NEXMIF: variants seen among roughly 807,000 people sequenced by gnomAD.
NEXMIF encodes neurite extension and migration factor.
In NEXMIF, 8 loss-of-function variants were observed where a neutral mutation model predicts 62.1. The ratio of observed to expected loss-of-function variants is 0.13; its 90% CI spans 0.08 to 0.23. The LOEUF (loss-of-function observed/expected upper bound fraction) is 0.23. Among genes scored for constraint, NEXMIF ranks in the 10% least tolerant of loss-of-function variants. NEXMIF has a pLI of 1.00. For missense variants in NEXMIF, 976 were observed against 1,113.3 expected (o/e 0.88, Z 1.75); for synonymous variants, 404 against 416.6 (o/e 0.97, Z 0.37).
In NEXMIF at chrX:74,878,093, T is replaced by C. The variant is rs778031789; in HGVS notation, c.-48+46790A>G. On this transcript the variant is annotated intron_variant, in intron 1 of 3. Coordinates refer to ENST00000055682, the MANE Select transcript of NEXMIF (RefSeq NM_001008537.3). Reference sequence around the variant, plus strand: ...CTTTTTAGAGTTTCCAGTTTTTCTGTTCTGTTTTTTCCCCATCTTTGTGGT... The same window carrying C: ...CTTTTTAGAGTTTCCAGTTTTTCTGCTCTGTTTTTTCCCCATCTTTGTGGT... Among the ~76,000 whole-genome samples the C allele has an allele frequency of 3.4e-3, 380 of 111,761 alleles. 2 individuals carry two copies. The highest frequency in any genetic ancestry group is 0.012 in the African/African-American group (364 of 30,800).
rs747502117 is a variant in NEXMIF, at chrX:74,797,418, C to T, written c.-47-51721G>A. Among the ~76,000 whole-genome samples the T allele has an allele frequency of 2.7e-4, 30 of 111,725 alleles. 1 individual carries two copies. Among genetic ancestry groups the T allele is most frequent in the Non-Finnish European group, 4.1e-4 (22 of 53,138 alleles). On this transcript the variant is annotated intron_variant, in intron 1 of 3. Transcript: ENST00000055682. ...ATAACATTAGGGGAAACTGGGCAAA[C>T]GGTATATTGGAACTCTTTGTACTAG...
chrX:74,891,512 T>G (rs777749808), intron 1 of NEXMIF, among the ~76,000 whole-genome samples: 1 of 111,954 alleles, frequency 8.9e-6, no homozygotes, highest in African/African-American at 3.2e-5. Flanking sequence ...CTGGTAATCT[T>G]CCAGTGAAAG....
At chrX:74,883,181 C>T (rs2080673590) in intron 1 of NEXMIF, among the ~76,000 whole-genome samples, 1 of 111,287 alleles carries the variant, frequency 9.0e-6, no homozygotes, top group Admixed American at 9.6e-5. Context: ...GTACATAAAA[C>T]CACAAAGATA....
In NEXMIF at chrX:74,837,962, CATGT is replaced by C. The variant is rs755319955; in HGVS notation, c.-48+86917_-48+86920del. Among the ~76,000 whole-genome samples the C allele has an allele frequency of 5.4e-5, 6 of 111,585 alleles. No homozygotes were observed. In the East Asian group the frequency reaches 1.7e-3, roughly 31 times the overall value. ...GTTTCTATGTATGTGTGTGTGCATG[CATGT>C]GTGTCTTTTATAAGTAAGTGGTGAA... On this transcript the variant is annotated intron_variant, in intron 1 of 3. Coordinates refer to ENST00000055682, the MANE Select transcript of NEXMIF (RefSeq NM_001008537.3).
At chrX:74,816,526 A>G (rs1332133463) in intron 1 of NEXMIF, among the ~76,000 whole-genome samples, 1 of 112,198 alleles carries the variant, frequency 8.9e-6, no homozygotes, top group Non-Finnish European at 1.9e-5. Context: ...TTAATTCTTA[A>G]GTGATTTATT....
chrX:74,862,113 A>G (rs2080559789), intron 1 of NEXMIF, among the ~76,000 whole-genome samples: 1 of 111,682 alleles, frequency 9.0e-6, no homozygotes, highest in Admixed American at 9.5e-5. Flanking sequence ...GTGCAAAGAC[A>G]CACATAGGCT....
At chrX:74,769,557 C>T (rs2080203876) in intron 1 of NEXMIF, 1 of 400,440 alleles carries the variant, frequency 2.5e-6, no homozygotes, top group South Asian at 4.9e-5. Context: ...AGCACTGGCT[C>T]TGCCAGCGCT....
rs2080381651 is a variant in NEXMIF at position 74,818,061 on chromosome X, C to T, written c.-47-72364G>A. ...GTAATTTAAAGATTCAATGCTATTC[C>T]TATGAAACCACCAATGACATTTTTC... is the stretch of plus-strand genomic sequence containing the variant. On this transcript the variant is annotated intron_variant, in intron 1 of 3. Coordinates refer to ENST00000055682, the MANE Select transcript of NEXMIF (RefSeq NM_001008537.3). 5.5e-5 allele frequency among the ~76,000 whole-genome samples: 6 copies of T among 109,858 alleles called. No individual in the cohort carries two copies. The South Asian group carries it at 2.3e-3, about 43-fold the overall frequency.
At chrX:74,890,235 C>T (rs1201287558) in intron 1 of NEXMIF, among the ~76,000 whole-genome samples, 1 of 106,878 alleles carries the variant, frequency 9.4e-6, no homozygotes, top group African/African-American at 3.4e-5. Flanking sequence ...TTCAATGTAA[C>T]AAAGATGTTC....
intron 1 of NEXMIF, chrX:74,769,830 T>G (rs192329503): frequency 4.8e-6 from 2 of 414,784 alleles, no homozygotes; most frequent in East Asian, 8.2e-5. Context: ...AAATCATTTA[T>G]AAATGTGGTC....
chrX:74,922,080 G>A (rs755356818), intron 1 of NEXMIF, among the ~76,000 whole-genome samples: 2 of 111,339 alleles, frequency 1.8e-5, no homozygotes, highest in South Asian at 3.8e-4. Flanking sequence ...TCCGTGAGAC[G>A]AGGACCTCCA....
At chrX:74,744,964 T>TCTCTCTCC (rs1286706211) in intron 2 of NEXMIF, among the ~76,000 whole-genome samples, 4 of 96,592 alleles carry the variant, frequency 4.1e-5, no homozygotes, top group African/African-American at 1.1e-4. Context: ...CTCTCCTCCC[T>TCTCTCTCC]CTCTCTCCCT....
At chrX:74,761,026 C>T (rs1054496027) in intron 1 of NEXMIF, among the ~76,000 whole-genome samples, 1 of 109,674 alleles carries the variant, frequency 9.1e-6, no homozygotes, top group African/African-American at 3.3e-5. Context: ...CATTACCACG[C>T]CCAGCTGATT....
At chrX:74,845,025 C>T (rs1314481973) in intron 1 of NEXMIF, among the ~76,000 whole-genome samples, 1 of 112,077 alleles carries the variant, frequency 8.9e-6, no homozygotes, top group East Asian at 2.8e-4. Flanking sequence ...ACAAACCCAA[C>T]CAGGGAAGCT....
chrX:74,749,574 T>A (rs765920888), intron 1 of NEXMIF, among the ~76,000 whole-genome samples: 1 of 110,731 alleles, frequency 9.0e-6, no homozygotes, highest in South Asian at 3.9e-4. Flanking sequence ...CACTTGATAT[T>A]CTCTCTGTTT....
chrX:74,811,903 C>G (rs766376829), intron 1 of NEXMIF, among the ~76,000 whole-genome samples: 4 of 113,031 alleles, frequency 3.5e-5, no homozygotes, highest in Non-Finnish European at 5.6e-5. Flanking sequence ...GCCTTCCAGG[C>G]ATGGAGAAAA....
At chrX:74,805,532 T>G (rs1451749788) in intron 1 of NEXMIF, among the ~76,000 whole-genome samples, 2 of 112,159 alleles carry the variant, frequency 1.8e-5, no homozygotes, top group Non-Finnish European at 3.8e-5. Context: ...ACTTGTAAAT[T>G]TTTGTTTTTG....
chrX:74,827,966 G>C (rs771898252), intron 1 of NEXMIF, among the ~76,000 whole-genome samples: 1 of 111,799 alleles, frequency 8.9e-6, no homozygotes, highest in South Asian at 3.7e-4. Flanking sequence ...CATAAAATTG[G>C]TGCATATAGT....
chrX:74,808,850 G>T (rs2080352567), intron 1 of NEXMIF, among the ~76,000 whole-genome samples: 1 of 112,255 alleles, frequency 8.9e-6, no homozygotes, highest in Non-Finnish European at 1.9e-5. Flanking sequence ...AGCTTTAACG[G>T]CTGGAGGAGG....
Sources: allele counts gnomAD v4.1 joint callset (sites outside exome capture counted in the v4.1 genomes callset), GRCh38; gene constraint gnomAD v4.1.1; transcripts MANE v1.5; gene names NCBI Gene and HGNC (gene_info 2026-07-23, HGNC 2026-07-21).